The following AGBL1 variants were observed in gnomAD, a reference collection of about 807,000 sequenced individuals.
AGBL1 encodes the protein cytosolic carboxypeptidase 4.
In AGBL1, 130 loss-of-function variants were observed where a neutral mutation model predicts 118.9. The ratio of observed to expected loss-of-function variants is 1.09; its 90% CI spans 0.95 to 1.26. AGBL1 has a LOEUF of 1.26. Ranked by LOEUF, AGBL1 falls within the 50% of genes most tolerant of loss-of-function variation. The pLI, the probability that AGBL1 is intolerant of heterozygous loss-of-function variation, is 0.00. For missense variants in AGBL1, 1,584 were observed against 1,298.1 expected, an observed-to-expected ratio of 1.22 and a Z score of -3.38; for synonymous variants, 555 against 478.9, an observed-to-expected ratio of 1.16 and a Z score of -2.08.
chr15:86,423,146 C>T (rs1596095999), intron 18 of AGBL1, among the ~76,000 whole-genome samples: 1 of 152,288 alleles, frequency 6.6e-6, no homozygotes, highest in South Asian at 2.1e-4. Context: ...AAGAAAAGTT[C>T]AGGCCAATAT....
At chr15:86,477,024 T>C (rs1440950142) in intron 18 of AGBL1, among the ~76,000 whole-genome samples, 1 of 152,192 alleles carries the variant, frequency 6.6e-6, no homozygotes, top group African/African-American at 2.4e-5. Context: ...AGATGTTCTT[T>C]GAAACCAATG....
At chr15:86,814,508 C>T (rs1412881118) in intron 22 of AGBL1, among the ~76,000 whole-genome samples, 1 of 152,154 alleles carries the variant, frequency 6.6e-6, no homozygotes, top group South Asian at 2.1e-4. Context: ...AAAAGCTTGC[C>T]CACAGAAGCA....
intron 7 of AGBL1, among the ~76,000 whole-genome samples, chr15:86,253,851 A>G (rs2078854898): frequency 6.6e-6 from 1 of 152,182 alleles, no homozygotes. Context: ...ATCCATCTCC[A>G]GAACCCTTTT....
At chr15:86,515,526 T>C (rs2083109465) in intron 18 of AGBL1, among the ~76,000 whole-genome samples, 1 of 151,802 alleles carries the variant, frequency 6.6e-6, no homozygotes, top group African/African-American at 2.4e-5. Context: ...TTTTAAACAT[T>C]GTCTTTTATT....
chr15:86,677,974 T>A (rs1480427875), intron 22 of AGBL1, among the ~76,000 whole-genome samples: 3 of 152,258 alleles, frequency 2.0e-5, no homozygotes, highest in African/African-American at 7.2e-5. Flanking sequence ...CTAAATTATT[T>A]TTCTGTTTTT....
At chr15:86,737,229 TA>T (rs1256135589) in intron 22 of AGBL1, among the ~76,000 whole-genome samples, 1 of 152,090 alleles carries the variant, frequency 6.6e-6, no homozygotes, top group Non-Finnish European at 1.5e-5. Flanking sequence ...GGGGAAGTAG[TA>T]GGGCCTGGAA....
chr15:86,866,510 T>C (rs1049985444), intron 22 of AGBL1, among the ~76,000 whole-genome samples: 3 of 152,220 alleles, frequency 2.0e-5, no homozygotes, highest in African/African-American at 7.2e-5. Context: ...GCACCTACTC[T>C]TTCCCAAAGG....
At chr15:86,439,099 T>C (rs1190612638) in intron 18 of AGBL1, among the ~76,000 whole-genome samples, 1 of 152,118 alleles carries the variant, frequency 6.6e-6, no homozygotes, top group Non-Finnish European at 1.5e-5. Flanking sequence ...AGAGTCCCGA[T>C]GAGGATGTCG....
At chr15:86,883,154 T>A (rs1207075563) in intron 22 of AGBL1, among the ~76,000 whole-genome samples, 1 of 152,250 alleles carries the variant, frequency 6.6e-6, no homozygotes, top group Non-Finnish European at 1.5e-5. Flanking sequence ...TTAATTATGT[T>A]TTTTAAATTA....
At chr15:86,236,275 C>T (rs1194305897) in intron 6 of AGBL1, among the ~76,000 whole-genome samples, 1 of 152,154 alleles carries the variant, frequency 6.6e-6, no homozygotes, top group African/African-American at 2.4e-5. Flanking sequence ...GCCCACAGAC[C>T]GTGAGGCACA....
In AGBL1 at chr15:86,116,421, A is replaced by C. The variant is rs573613139; in HGVS notation, c.52-25583A>C. On this transcript the variant is annotated intron_variant, in intron 1 of 22. Transcript: ENST00000614907. ...TGAGTGGGCTAAGGGATGCCCAGGTAGCTGGTAAAGCATTATTTCTGGCAG... is the reference window on the plus strand; with the variant it reads ...TGAGTGGGCTAAGGGATGCCCAGGTCGCTGGTAAAGCATTATTTCTGGCAG... Among the ~76,000 whole-genome samples the C allele has an allele frequency of 1.3e-3, 196 of 152,308 alleles. 4 individuals are homozygous for C. The highest frequency in any genetic ancestry group is 1.9e-3 in the Non-Finnish European group (127 of 68,024).
intron 22 of AGBL1, among the ~76,000 whole-genome samples, chr15:86,703,724 C>G (rs1448592215): frequency 6.6e-6 from 1 of 152,110 alleles, no homozygotes; most frequent in Admixed American, 6.6e-5. Context: ...GGGAGTTTCT[C>G]TGCACATGCT....
Position 86,247,657 on chromosome 15 carries a change from C to A in AGBL1, c.527-14C>A. On this transcript the variant is annotated splice_polypyrimidine_tract_variant and intron_variant, in intron 6 of 22. Transcript: ENST00000614907. ...AGAGCCTGTGACTGACCCTGCCTTT[C>A]CCTTTGTTTTCAGAGTCGAACGGCC... 6.3e-7 allele frequency: 1 copy of A among 1,586,060 alleles called. No homozygotes were observed.
chr15:86,789,207 T>C (rs1567174823), intron 22 of AGBL1, among the ~76,000 whole-genome samples: 1 of 152,234 alleles, frequency 6.6e-6, no homozygotes, highest in Non-Finnish European at 1.5e-5. Flanking sequence ...ACACTTGTGC[T>C]CCTAATCTGG....
At chr15:86,957,253 T>A (rs1042818627) in intron 23 of AGBL1, among the ~76,000 whole-genome samples, 2 of 152,114 alleles carry the variant, frequency 1.3e-5, no homozygotes, top group African/African-American at 4.8e-5. Context: ...GGTAAATATA[T>A]CTACTAAAAT....
intron 21 of AGBL1, among the ~76,000 whole-genome samples, chr15:86,660,204 A>G (rs1284397509): frequency 6.6e-6 from 1 of 151,714 alleles, no homozygotes; most frequent in Non-Finnish European, 1.5e-5. Context: ...CAGTATCTTC[A>G]TTTTCATCTG....
At chr15:86,608,662 G>T (rs1292902498) in intron 21 of AGBL1, among the ~76,000 whole-genome samples, 1 of 152,102 alleles carries the variant, frequency 6.6e-6, no homozygotes, top group Admixed American at 6.6e-5. Context: ...TATCCAGGCA[G>T]GATGACGGCA....
chr15:86,578,624 G>T (rs1300692894), intron 21 of AGBL1, among the ~76,000 whole-genome samples: 3 of 152,164 alleles, frequency 2.0e-5, no homozygotes, highest in African/African-American at 7.2e-5. Context: ...ACATGTTTTG[G>T]AAGGGACCCA....
chr15:86,657,517 G>A (rs1315469502), intron 21 of AGBL1, among the ~76,000 whole-genome samples: 1 of 152,186 alleles, frequency 6.6e-6, no homozygotes, highest in Non-Finnish European at 1.5e-5. Context: ...TGGAGGTGAC[G>A]TTTAGAGTGG....
Sources: gnomAD v4.1 joint callset for allele counts (sites outside exome capture counted in the v4.1 genomes callset) on GRCh38, gnomAD v4.1.1 for gene constraint, MANE v1.5 for transcripts, NCBI Gene and HGNC (gene_info 2026-07-23, HGNC 2026-07-21) for gene names.